PSME4: variants seen among roughly 807,000 people sequenced by gnomAD.
PSME4 encodes the protein proteasome activator complex subunit 4.
Under a neutral mutation model 253.9 loss-of-function variants are expected in PSME4, and 89 were observed. The observed-to-expected ratio is 0.35, with a 90% CI of 0.30 to 0.42. The LOEUF (loss-of-function observed/expected upper bound fraction) is 0.42, where lower values mean the gene tolerates loss of function less well. Ranked by LOEUF, PSME4 falls within the 10% of genes least tolerant of loss-of-function variation. The probability of loss-of-function intolerance (pLI) is 1.00; values close to 1 mark genes in which losing one functional copy is unlikely to be tolerated. For missense variants in PSME4, 2,014 were observed against 2,195.2 expected (o/e 0.92, Z 1.65); for synonymous variants, 851 against 759.2 (o/e 1.12, Z -1.99).
At chr2:53,868,234 A>G (rs1038208238) in intron 44 of PSME4, among the ~76,000 whole-genome samples, 1 of 151,598 alleles carries the variant, frequency 6.6e-6, no homozygotes, top group Non-Finnish European at 1.5e-5. Context: ...AGGTGGGTGG[A>G]TCACTTGAGG....
At chr2:53,866,322 A>T (rs959590686) in intron 45 of PSME4, 99 bp from the exon 46 acceptor site, 2 of 1,280,168 alleles carry the variant, frequency 1.6e-6, no homozygotes, top group Non-Finnish European at 2.2e-6. Flanking sequence ...TAGACTTCAG[A>T]TCTCACACAA....
At chr2:53,934,060 TAAA>T (rs1303528570) in intron 8 of PSME4, among the ~76,000 whole-genome samples, 4 of 152,188 alleles carry the variant, frequency 2.6e-5, no homozygotes, top group Non-Finnish European at 5.9e-5. Flanking sequence ...ATATGAATGA[TAAA>T]CTAGATAATT....
rs535404318 is a variant in PSME4 at position 53,865,202 on chromosome 2, G to A, written c.*376C>T. The A allele has an allele frequency of 6.6e-6, 1 of 152,604 alleles. No individual in the cohort carries two copies. Among genetic ancestry groups the A allele is most frequent in the South Asian group, 2.1e-4 (1 of 4,830 alleles). 9.5% of individuals were successfully genotyped at this position (152,604 alleles called of 1,614,324 possible). ...GAATTCAAAATAATTTGAGATGAATGAAATGACAGGACCTGTATTACAGAT... is the reference window on the plus strand; with the variant it reads ...GAATTCAAAATAATTTGAGATGAATAAAATGACAGGACCTGTATTACAGAT... On this transcript the variant is annotated 3_prime_UTR_variant, in exon 47 of 47. Coordinates refer to ENST00000404125, the MANE Select transcript of PSME4 (RefSeq NM_014614.3).
chr2:53,885,746 T>C lies in PSME4; in HGVS notation c.4759A>G (p.Arg1587Gly). 6.2e-7 allele frequency: 1 copy of C among 1,613,052 alleles called. No homozygotes were observed. Among genetic ancestry groups the C allele is most frequent in the Non-Finnish European group, 8.5e-7 (1 of 1,179,222 alleles). ...TCTGTAACTGCTGTAGAAAAGGATC[T>C]TCCTGCACTTGCCATCAGCCATTTC... ...ILKWLMASAG[R>G]SFSTAVTEQL... Residue 1587 changes from arginine (R) to glycine (G), a missense_variant, in exon 41 of 47, where the codon AGA becomes GGA. By Grantham distance (125) the Arg-to-Gly change is moderately radical (BLOSUM62 -2). This residue lies in a region of PSME4 where 403 missense variants were observed against 556.1 expected (regional missense o/e 0.72). Transcript: ENST00000404125.
chr2:53,886,584 T>C (rs1679648351), intron 40 of PSME4, among the ~76,000 whole-genome samples: 1 of 152,194 alleles, frequency 6.6e-6, no homozygotes, highest in South Asian at 2.1e-4. Flanking sequence ...CACGGAACCC[T>C]TGTGCATTTG....
chr2:53,914,319 G>C (rs1179094375), intron 20 of PSME4, among the ~76,000 whole-genome samples: 1 of 152,108 alleles, frequency 6.6e-6, no homozygotes, highest in Non-Finnish European at 1.5e-5. Flanking sequence ...TGTGACTCTG[G>C]AAAGACATAA....
At chr2:53,969,415 T>C (rs374993941) in intron 1 of PSME4, among the ~76,000 whole-genome samples, 32 of 152,220 alleles carry the variant, frequency 2.1e-4, no homozygotes, top group African/African-American at 7.7e-4. Flanking sequence ...CAGATGAGAA[T>C]CATCCAGTGA....
chr2:53,970,933 G>C lies in PSME4; in HGVS notation c.-149C>G, dbSNP rs1416678439. 2 of 613,826 alleles carry C rather than the reference G, an allele frequency of 3.3e-6. No homozygotes were observed. The highest frequency in any genetic ancestry group is 2.0e-5 in the African/African-American group (1 of 50,834). 38.0% of individuals were successfully genotyped at this position (613,826 alleles called of 1,614,324 possible). A position where few individuals can be genotyped will look rare whatever the true frequency, so the allele number is the denominator to read the frequency against. On this transcript the variant is annotated 5_prime_UTR_variant, in exon 1 of 47. Transcript: ENST00000404125. ...ACCGATCGCTAGGCCCCCTTCCCTG[G>C]CCGGCGTGCTGCTGGGCCCCACGCG...
chr2:53,896,291 T>C (rs578257132), intron 32 of PSME4, among the ~76,000 whole-genome samples: 5 of 152,314 alleles, frequency 3.3e-5, no homozygotes, highest in African/African-American at 1.2e-4. Flanking sequence ...ATGTACTTTA[T>C]ATGAAAAAAA....
intron 38 of PSME4, chr2:53,888,235 CACTG>C (rs756270948): frequency 2.5e-5 from 8 of 324,764 alleles, no homozygotes; most frequent in African/African-American, 8.6e-5. Flanking sequence ...TAAGAATACT[CACTG>C]ACTAATATTT....
chr2:53,871,798 G>C (rs1380011124), intron 43 of PSME4, among the ~76,000 whole-genome samples: 3 of 151,986 alleles, frequency 2.0e-5, no homozygotes, highest in Non-Finnish European at 4.4e-5. Context: ...TGGATCACCT[G>C]AGGTCAGGAG....
At chr2:53,940,940 A>ATACATATATAAAT (rs1558413493) in intron 3 of PSME4, among the ~76,000 whole-genome samples, 3 of 51,314 alleles carry the variant, frequency 5.8e-5, no homozygotes, top group African/African-American at 1.0e-4. Flanking sequence ...TACATATATA[A>ATACATATATAAAT]ATATATATAT....
At chr2:53,903,861 A>C (rs1455183101) in intron 27 of PSME4, among the ~76,000 whole-genome samples, 164 bp downstream of exon 27, 1 of 115,278 alleles carries the variant, frequency 8.7e-6, no homozygotes, top group East Asian at 3.8e-4. Context: ...ATTTACTTTG[A>C]AATACATTAA....
chr2:53,944,768 T>A (rs1008664245), intron 3 of PSME4, among the ~76,000 whole-genome samples: 1 of 152,132 alleles, frequency 6.6e-6, no homozygotes, highest in Admixed American at 6.6e-5. Flanking sequence ...GTGGTGAGTG[T>A]GGGGAGCTGA....
At chr2:53,939,688 A>G (rs1196794028) in intron 4 of PSME4, among the ~76,000 whole-genome samples, 1 of 152,228 alleles carries the variant, frequency 6.6e-6, no homozygotes, top group East Asian at 1.9e-4. Context: ...AACAAATAAC[A>G]ATACTCTAGG....
rs1047370705 is a variant in PSME4 at position 53,936,003 on chromosome 2, C to T, written c.834+84G>A. 2.3e-5 allele frequency: 35 copies of T among 1,505,476 alleles called. No homozygotes were observed. The African/African-American group carries it at 3.7e-4, about 16-fold the overall frequency. The allele number at this position is 1,505,476 out of a possible 1,614,324, so 93.3% of individuals were successfully genotyped here. On this transcript the variant is annotated intron_variant, in intron 7 of 46. Transcript: ENST00000404125. ...CAGCCTCCTGGGTTCAAGAGATTCT[C>T]CTGCCTCAGCCACCCGAGCAGCTGG... is the stretch of plus-strand genomic sequence containing the variant.
Position 53,908,848 on chromosome 2 carries a change from G to A in PSME4, c.2573-8C>T. 1 of 1,585,692 alleles carries A rather than the reference G, an allele frequency of 6.3e-7. No individual in the cohort carries two copies. Among genetic ancestry groups the A allele is most frequent in the South Asian group, 1.1e-5 (1 of 88,630 alleles). On this transcript the variant is annotated splice_region_variant and splice_polypyrimidine_tract_variant and intron_variant, in intron 21 of 46. Coordinates refer to ENST00000404125, the MANE Select transcript of PSME4 (RefSeq NM_014614.3). ...GGTTCTCTCGAGACAGATCTATTTT[G>A]AAAAAATAAAAGAAGGTATTTTAGA...
intron 1 of PSME4, among the ~76,000 whole-genome samples, chr2:53,963,240 C>T (rs901426760): frequency 2.0e-5 from 3 of 151,856 alleles, no homozygotes; most frequent in South Asian, 2.1e-4. Flanking sequence ...ATGGGAGGAT[C>T]GCTCGAGGCC....
chr2:53,892,845 C>G lies in PSME4; in HGVS notation c.4154G>C (p.Gly1385Ala). 1.2e-6 allele frequency: 2 copies of G among 1,613,678 alleles called. No homozygotes were observed. The highest frequency in any genetic ancestry group is 1.7e-6 in the Non-Finnish European group (2 of 1,179,790). Residue 1385 changes from glycine to alanine, a missense_variant, in exon 36 of 47, where the codon GGT becomes GCT. Transcript: ENST00000404125. ...CCAGTGCTTAGAACCTCTGATTAAA[C>G]CAGCTATAATTTCTGCAACACATCG... ...TQRCVAEIIA[G>A]LIRGSKHWTF...
Sources: allele counts gnomAD v4.1 joint callset (sites outside exome capture counted in the v4.1 genomes callset), GRCh38; gene constraint gnomAD v4.1.1; regional missense constraint gnomAD v4.1.1; transcripts MANE v1.5; gene names NCBI Gene and HGNC (gene_info 2026-07-23, HGNC 2026-07-21).